SLC16A12: variants seen among roughly 807,000 people sequenced by gnomAD.
The protein encoded by SLC16A12 is solute carrier family 16 member 12.
Under a neutral mutation model 42.4 loss-of-function variants are expected in SLC16A12, and 17 were observed. That is an observed-to-expected ratio of 0.40 (90% CI 0.27 to 0.60). SLC16A12 has a LOEUF of 0.60. SLC16A12 is among the 20% of genes least tolerant of loss of function. The probability of loss-of-function intolerance (pLI) is 0.42; values close to 1 mark genes in which losing one functional copy is unlikely to be tolerated. For synonymous variants in SLC16A12, 224 were observed against 229.4 expected, an observed-to-expected ratio of 0.98 and a Z score of 0.21; for missense variants, 544 against 623.0, an observed-to-expected ratio of 0.87 and a Z score of 1.35.
At chr10:89,486,668 G>GAAAGAAAGAAAGAAAGAAAGAAAGA (rs1842758473) in intron 2 of SLC16A12, among the ~76,000 whole-genome samples, 1 of 58,420 alleles carries the variant, frequency 1.7e-5, no homozygotes, top group Non-Finnish European at 3.4e-5. Context: ...AGAAAGAAAA[G>GAAAGAAAGAAAGAAAGAAAGAAAGA]AAAGAAAGAA....
intron 2 of SLC16A12, among the ~76,000 whole-genome samples, chr10:89,465,957 G>A (rs1213315529): frequency 6.6e-6 from 1 of 152,184 alleles, no homozygotes; most frequent in African/African-American, 2.4e-5. Flanking sequence ...TGTAGATTCT[G>A]GATGTGATAC....
At chr10:89,555,538 T>TATAC (rs1843806844) in intron 2 of SLC16A12, among the ~76,000 whole-genome samples, 1 of 143,294 alleles carries the variant, frequency 7.0e-6, no homozygotes, top group South Asian at 2.1e-4. Context: ...TATATACGTA[T>TATAC]GTATGTATAT....
chr10:89,484,738 C>A (rs1842721625), intron 2 of SLC16A12, among the ~76,000 whole-genome samples: 1 of 152,168 alleles, frequency 6.6e-6, no homozygotes, highest in Non-Finnish European at 1.5e-5. Flanking sequence ...GCAATATAAT[C>A]TAAGAAGGCA....
Position 89,432,946 on chromosome 10 carries a change from T to G in SLC16A12, c.*118A>C, listed in dbSNP as rs146741966. Reference sequence around the variant, plus strand: ...AAATATTAATATGTTAACAAAACAATAATAATAATTTCCTTGGAAGGCAAT... The same window carrying G: ...AAATATTAATATGTTAACAAAACAAGAATAATAATTTCCTTGGAAGGCAAT... On this transcript the variant is annotated 3_prime_UTR_variant, in exon 8 of 8. Transcript: ENST00000371790. The G allele has an allele frequency of 1.5e-6, 2 of 1,335,528 alleles. No homozygotes were observed. The highest frequency in any genetic ancestry group is 2.5e-5 in the Admixed American group (1 of 40,272). The allele number at this position is 1,335,528 out of a possible 1,614,324, so 82.7% of individuals were successfully genotyped here.
chr10:89,448,267 G>A (rs929561628), intron 3 of SLC16A12, among the ~76,000 whole-genome samples: 1 of 152,150 alleles, frequency 6.6e-6, no homozygotes, highest in African/African-American at 2.4e-5. Flanking sequence ...TATGAGGTGA[G>A]CATCATTCTG....
intron 2 of SLC16A12, among the ~76,000 whole-genome samples, chr10:89,530,216 G>T (rs796978117): frequency 3.9e-5 from 6 of 152,204 alleles, no homozygotes; most frequent in African/African-American, 1.4e-4. Context: ...AAACCTGAAT[G>T]CAAAATCATT....
chr10:89,470,541 T>C (rs1048347109), intron 2 of SLC16A12, among the ~76,000 whole-genome samples: 4 of 152,208 alleles, frequency 2.6e-5, no homozygotes, highest in Non-Finnish European at 5.9e-5. Flanking sequence ...TTCCCCCATG[T>C]TCTCAATAGA....
intron 2 of SLC16A12, among the ~76,000 whole-genome samples, chr10:89,530,155 T>G (rs1176128925): frequency 6.6e-6 from 1 of 152,260 alleles, no homozygotes; most frequent in South Asian, 2.1e-4. Context: ...CATCCAGATT[T>G]CCTGCTTCCA....
intron 2 of SLC16A12, among the ~76,000 whole-genome samples, chr10:89,501,611 T>C (rs1842991681): frequency 6.6e-6 from 1 of 152,012 alleles, no homozygotes; most frequent in Admixed American, 6.6e-5. Context: ...ATTAGCTGAG[T>C]GTGGCAGTGC....
chr10:89,454,838 T>C (rs922013854), intron 3 of SLC16A12, among the ~76,000 whole-genome samples: 1 of 152,146 alleles, frequency 6.6e-6, no homozygotes, highest in African/African-American at 2.4e-5. Flanking sequence ...TATTCTTCAC[T>C]AGACTGTTAC....
At chr10:89,500,083 C>T (rs747698812) in intron 2 of SLC16A12, among the ~76,000 whole-genome samples, 12 of 152,040 alleles carry the variant, frequency 7.9e-5, no homozygotes, top group Non-Finnish European at 1.6e-4. Flanking sequence ...ATACAACCTC[C>T]TAGCTCAAAG....
Position 89,519,578 on chromosome 10 carries a change from G to A in SLC16A12, c.-47+14923C>T, listed in dbSNP as rs187892147. The stretch of plus-strand genomic sequence containing the variant: ...CAGGATCAGGAAGCCTCTTGAGAGG[G>A]AACTCACACCAGGGCGAGGATGAAT... On this transcript the variant is annotated intron_variant, in intron 2 of 7. Transcript: ENST00000371790. Among the ~76,000 whole-genome samples the A allele has an allele frequency of 2.2e-3, 341 of 152,144 alleles. 1 individual carries two copies. Among genetic ancestry groups the A allele is most frequent in the African/African-American group, 7.9e-3 (327 of 41,510 alleles).
chr10:89,443,884 T>C, intron 3 of SLC16A12, 25 bp from the exon 4 acceptor site: 1 of 1,467,922 alleles, frequency 6.8e-7, no homozygotes, highest in Non-Finnish European at 9.5e-7. Flanking sequence ...GCAGGCATTT[T>C]ATACAAAAAA....
chr10:89,477,754 T>C (rs1396816870), intron 2 of SLC16A12, among the ~76,000 whole-genome samples: 6 of 152,310 alleles, frequency 3.9e-5, no homozygotes, highest in African/African-American at 1.4e-4. Flanking sequence ...AAGAATCATG[T>C]AACTGTGTAA....
chr10:89,446,662 T>C (rs1328353971), intron 3 of SLC16A12, among the ~76,000 whole-genome samples: 1 of 152,246 alleles, frequency 6.6e-6, no homozygotes, highest in African/African-American at 2.4e-5. Flanking sequence ...ACATGCCAAA[T>C]TGTAAAGACC....
upstream of SLC16A12, among the ~76,000 whole-genome samples, chr10:89,537,974 T>C (rs1480756493): frequency 6.6e-6 from 1 of 152,238 alleles, no homozygotes; most frequent in Non-Finnish European, 1.5e-5. Context: ...GGGTTGATGA[T>C]GGTGATGGTG....
chr10:89,462,295 T>G, intron 3 of SLC16A12, 84 bp downstream of exon 3: 3 of 1,576,288 alleles, frequency 1.9e-6, no homozygotes, highest in Non-Finnish European at 2.6e-6. Context: ...TTCACAATGA[T>G]GGGTTCAGAA....
chr10:89,555,973 G>T (rs1843814023), exon 2 of SLC16A12: 2 of 151,644 alleles, frequency 1.3e-5, no homozygotes, highest in African/African-American at 4.9e-5. Context: ...AGCAAAACAG[G>T]CAGGGCTCCT....
intron 2 of SLC16A12, among the ~76,000 whole-genome samples, chr10:89,497,469 C>T (rs1174413379): frequency 6.6e-6 from 1 of 152,024 alleles, no homozygotes; most frequent in East Asian, 1.9e-4. Flanking sequence ...ACTCAAAGAC[C>T]AGGTCTTTTC....
Sources: gnomAD v4.1 joint callset for allele counts (sites outside exome capture counted in the v4.1 genomes callset) on GRCh38, gnomAD v4.1.1 for gene constraint, MANE v1.5 for transcripts, NCBI Gene and HGNC (gene_info 2026-07-23, HGNC 2026-07-21) for gene names.